Variants in COQ3 observed in about 807,000 individuals in gnomAD.
COQ3 encodes coenzyme Q3, methyltransferase.
In COQ3, 29 loss-of-function variants were observed where a neutral mutation model predicts 33.1. The observed-to-expected ratio is 0.88, with a 90% CI of 0.65 to 1.19. The LOEUF (loss-of-function observed/expected upper bound fraction) is 1.19. Ranked by LOEUF, COQ3 falls within the 50% of genes most tolerant of loss-of-function variation. COQ3 has a pLI of 0.00. For missense variants in COQ3, 437 were observed against 430.7 expected (o/e 1.01, Z -0.13); for synonymous variants, 173 against 157.8 (o/e 1.10, Z -0.72).
At chr6:99,377,295 T>G in intron 4 of COQ3, 91 bp downstream of exon 4, 1 of 1,033,482 alleles carries the variant, frequency 9.7e-7, no homozygotes, top group Non-Finnish European at 1.5e-6. Context: ...TTTTAATGAA[T>G]AATATTATTT....
intron 4 of COQ3, 124 bp from the exon 5 acceptor site, chr6:99,376,306 G>T: frequency 1.0e-6 from 1 of 978,740 alleles, no homozygotes; most frequent in Non-Finnish European, 1.5e-6. Flanking sequence ...TCATTTATGG[G>T]TACATGGAAA....
At chr6:99,383,349 G>T (rs1253083804) in intron 2 of COQ3, among the ~76,000 whole-genome samples, 2 of 152,170 alleles carry the variant, frequency 1.3e-5, no homozygotes, top group Non-Finnish European at 2.9e-5. Flanking sequence ...TAATATTTAT[G>T]ATTTTAAGCA....
At chr6:99,370,504 A>G (rs1488241610) in intron 6 of COQ3, among the ~76,000 whole-genome samples, 1 of 151,514 alleles carries the variant, frequency 6.6e-6, no homozygotes, top group East Asian at 1.9e-4. Flanking sequence ...ATGCACCACC[A>G]CACCCGGCTA....
intron 1 of COQ3, among the ~76,000 whole-genome samples, chr6:99,393,358 G>A (rs564523645): frequency 5.8e-4 from 88 of 152,246 alleles, no homozygotes; most frequent in Non-Finnish European, 6.8e-4. Context: ...TTAATGGGCG[G>A]TTAGATTCCC....
At chr6:99,378,206 CTTATA>C (rs1774363952) in intron 3 of COQ3, among the ~76,000 whole-genome samples, 7 of 124,198 alleles carry the variant, frequency 5.6e-5, no homozygotes, top group Admixed American at 3.7e-4. Context: ...TTTAATTATA[CTTATA>C]TTAAAATAAA....
intron 3 of COQ3, among the ~76,000 whole-genome samples, chr6:99,379,548 G>A (rs1774408342): frequency 6.6e-6 from 1 of 152,152 alleles, no homozygotes; most frequent in Non-Finnish European, 1.5e-5. Flanking sequence ...TGCCACTGTA[G>A]GTCTGTAGTT....
intron 5 of COQ3, 121 bp from the exon 6 acceptor site, chr6:99,371,708 T>C (rs2128469756): frequency 1.7e-5 from 11 of 663,692 alleles, no homozygotes; most frequent in Non-Finnish European, 2.3e-5. Context: ...TTAAAATATA[T>C]ATGTACGCAT....
intron 3 of COQ3, 23 bp from the exon 4 acceptor site, chr6:99,377,508 T>C: frequency 4.0e-6 from 6 of 1,515,036 alleles, no homozygotes; most frequent in Non-Finnish European, 5.4e-6. Flanking sequence ...ATTCAAAACA[T>C]ACCAAAACAA....
chr6:99,386,262 T>C lies in COQ3; in HGVS notation c.107-2438A>G, dbSNP rs193253069. Among the ~76,000 whole-genome samples the C allele has an allele frequency of 4.2e-3, 632 of 152,104 alleles. 4 individuals are homozygous for C. The highest frequency in any genetic ancestry group is 0.01 in the Middle Eastern group (3 of 294). The stretch of plus-strand genomic sequence containing the variant: ...CTGGTCAACATGATAGAAGCCTATC[T>C]CTGCTAAAAATACAAAAATTAGCCA... On this transcript the variant is annotated intron_variant, in intron 1 of 6. Coordinates refer to ENST00000254759, the MANE Select transcript of COQ3 (RefSeq NM_017421.4).
chr6:99,382,353 T>G (rs1774497372), intron 2 of COQ3, among the ~76,000 whole-genome samples: 1 of 152,146 alleles, frequency 6.6e-6, no homozygotes, highest in Non-Finnish European at 1.5e-5. Flanking sequence ...TAAAACATAG[T>G]AAGGATGTTA....
rs1774911123 is a variant in COQ3, at chr6:99,394,140, A to C, written c.40T>G (p.Phe14Val). ...GRKLGSSGGW[F>V]LRVLGPGGCN... The stretch of plus-strand genomic sequence containing the variant: ...CCTCCAGGCCCCAGCACTCTTAAAA[A>C]CCAACCCCCGGAGGAGCCCAGCTTA... The change falls in exon 1 of 7, where the codon TTT (phenylalanine) becomes GTT (valine). Residue 14 changes from phenylalanine to valine, a missense_variant. Phe to Val is a conservative substitution (Grantham distance 50). Transcript: ENST00000254759. The C allele has an allele frequency of 6.2e-7, 1 of 1,608,810 alleles. No homozygotes were observed. The highest frequency in any genetic ancestry group is 8.5e-7 in the Non-Finnish European group (1 of 1,177,614).
chr6:99,384,235 T>C (rs1336932472), intron 1 of COQ3, among the ~76,000 whole-genome samples: 1 of 152,196 alleles, frequency 6.6e-6, no homozygotes, highest in African/African-American at 2.4e-5. Flanking sequence ...TTACAATTGA[T>C]AAACAAAGGG....
At chr6:99,369,849 G>T in intron 6 of COQ3, 29 bp from the exon 7 acceptor site, 1 of 1,393,998 alleles carries the variant, frequency 7.2e-7, no homozygotes, top group South Asian at 1.3e-5. Context: ...AGAAAGAGTA[G>T]ATTTAATAAA....
Position 99,377,400 on chromosome 6 carries a change from C to T in COQ3, c.472G>A (p.Gly158Arg), listed in dbSNP as rs1243045245. 1 of 1,613,062 alleles carries T rather than the reference C, an allele frequency of 6.2e-7. No individual in the cohort carries two copies. Among genetic ancestry groups the T allele is most frequent in the Non-Finnish European group, 8.5e-7 (1 of 1,179,434 alleles). ...CTGTCACTTACTTCAGTTAACAGCCCACCACCACAGCCAACGTCAAGAATC... is the reference window on the plus strand; with the variant it reads ...CTGTCACTTACTTCAGTTAACAGCCTACCACCACAGCCAACGTCAAGAATC... The part of the protein sequence containing the change: ...MKILDVGCGG[G>R]LLTEPLGRLG... The change falls in exon 4 of 7, where the codon GGG (glycine) becomes AGG (arginine). Residue 158 changes from glycine (G) to arginine (R), a missense_variant. Transcript: ENST00000254759.
chr6:99,394,111 A>G lies in COQ3; in HGVS notation c.69T>C (p.Cys23=), dbSNP rs1212669149. ...WFLRVLGPGG[C]NTKAARPLIS... ...TTAAGGGACGCGCAGCTTTTGTATTACAGCCTCCAGGCCCCAGCACTCTTA... is the reference window on the plus strand; with the variant it reads ...TTAAGGGACGCGCAGCTTTTGTATTGCAGCCTCCAGGCCCCAGCACTCTTA... The change falls in exon 1 of 7, where the codon TGT becomes TGC. Residue 23 remains cysteine, a synonymous_variant. Coordinates refer to ENST00000254759, the MANE Select transcript of COQ3 (RefSeq NM_017421.4). The G allele has an allele frequency of 1.9e-6, 3 of 1,613,808 alleles. No individual in the cohort carries two copies. Among genetic ancestry groups the G allele is most frequent in the Non-Finnish European group, 1.7e-6 (2 of 1,179,876 alleles).
rs1459901328 is a variant in COQ3 at position 99,380,291 on chromosome 6, C to T, written c.284G>A (p.Gly95Asp). The T allele has an allele frequency of 1.9e-6, 3 of 1,614,052 alleles. No homozygotes were observed. The highest frequency in any genetic ancestry group is 1.3e-5 in the African/African-American group (1 of 75,026). The change falls in exon 3 of 7, where the codon GGT becomes GAT. Residue 95 changes from glycine (G) to aspartate (D), a missense_variant. Gly to Asp is a moderately conservative substitution (Grantham distance 94). Transcript: ENST00000254759. Reference sequence around the variant, plus strand: ...CAGGGCCAAGAAGGTTTTTACCTCACCGCTGTCGACAGTGGTTTGGGAAGT... The same window carrying T: ...CAGGGCCAAGAAGGTTTTTACCTCATCGCTGTCGACAGTGGTTTGGGAAGT... ...YSTSQTTVDS[G>D]EVKTFLALAH...
At chr6:99,388,505 C>CT (rs1774719110) in intron 1 of COQ3, among the ~76,000 whole-genome samples, 1 of 54,754 alleles carries the variant, frequency 1.8e-5, no homozygotes, top group African/African-American at 4.6e-5. Context: ...ATCTCAATAG[C>CT]CTTTTTTTTT....
intron 1 of COQ3, among the ~76,000 whole-genome samples, chr6:99,389,455 C>T (rs1441043649): frequency 6.6e-6 from 1 of 152,034 alleles, no homozygotes; most frequent in Non-Finnish European, 1.5e-5. Context: ...CTTCTTGTGT[C>T]TTAAATTATT....
chr6:99,371,349 G>T, intron 6 of COQ3, 79 bp downstream of exon 6: 2 of 906,810 alleles, frequency 2.2e-6, no homozygotes, highest in South Asian at 1.7e-5. Flanking sequence ...TAAGTGCTAG[G>T]CTAAGTGCGT....
Sources: gnomAD v4.1 joint callset for allele counts (sites outside exome capture counted in the v4.1 genomes callset) on GRCh38, gnomAD v4.1.1 for gene constraint, MANE v1.5 for transcripts, NCBI Gene and HGNC (gene_info 2026-07-23, HGNC 2026-07-21) for gene names.